Variants in NLGN4Y observed in about 807,000 individuals in gnomAD.
NLGN4Y encodes the protein neuroligin 4 Y-linked.
In NLGN4Y, 4 loss-of-function variants were observed where a neutral mutation model predicts 8.4. The ratio of observed to expected loss-of-function variants is 0.48; its 90% confidence interval spans 0.23 to 1.09. The LOEUF is 1.09. Among genes scored for constraint, NLGN4Y ranks in the 50% least tolerant of loss-of-function variants. The pLI is 0.19. For missense variants in NLGN4Y, 90 were observed against 192.3 expected (o/e 0.47, Z 3.15); for synonymous variants, 35 against 75.6 (o/e 0.46, Z 2.78).
chrY:14,631,858 ATGTACGCCTTGTTTAC>A (rs2080550298), intron 2 of NLGN4Y, among the ~76,000 whole-genome samples: 1 of 33,442 alleles, frequency 3.0e-5, no homozygotes, highest in African/African-American at 1.2e-4. Context: ...CACCTTTTGA[ATGTACGCCTTGTTTAC>A]TCCTCCAGCC....
At chrY:14,774,380 G>A (rs977388299) in intron 4 of NLGN4Y, among the ~76,000 whole-genome samples, 2 of 33,445 alleles carry the variant, frequency 6.0e-5, no homozygotes, top group Admixed American at 2.7e-4. Flanking sequence ...AAAAGAAGAC[G>A]TAAGTGCAGC....
intron 4 of NLGN4Y, among the ~76,000 whole-genome samples, chrY:14,773,643 G>A (rs2081115423): frequency 3.1e-5 from 1 of 32,732 alleles, no homozygotes; most frequent in African/African-American, 1.2e-4. Context: ...AATAGCTGCA[G>A]GCATCACCTT....
At chrY:14,811,654 C>G (rs2043080836) in intron 4 of NLGN4Y, among the ~76,000 whole-genome samples, 8 of 33,466 alleles carry the variant, frequency 2.4e-4, no homozygotes, top group African/African-American at 9.3e-4. Context: ...AAAAGGCCAA[C>G]AATATCTGAC....
chrY:14,755,000 C>G, intron 4 of NLGN4Y, among the ~76,000 whole-genome samples: 2 of 33,240 alleles, frequency 6.0e-5, no homozygotes. Context: ...CTCACATACT[C>G]TATGTAGTTT....
intron 1 of NLGN4Y, among the ~76,000 whole-genome samples, chrY:14,530,967 A>T: frequency 4.9e-5 from 1 of 20,220 alleles, no homozygotes; most frequent in Non-Finnish European, 1.2e-4. Flanking sequence ...CCTTGTACTT[A>T]TGGAAAAGCA....
At chrY:14,573,055 C>G (rs2080279085) in intron 1 of NLGN4Y, among the ~76,000 whole-genome samples, 1 of 33,086 alleles carries the variant, frequency 3.0e-5, no homozygotes, top group Non-Finnish European at 7.4e-5. Context: ...GTCTAAAATT[C>G]TCTTTTTTTG....
At chrY:14,697,206 CAGAT>C (rs200602431) in intron 2 of NLGN4Y, among the ~76,000 whole-genome samples, 932 of 24,249 alleles carry the variant, frequency 0.038, no homozygotes, top group Middle Eastern at 0.094. Flanking sequence ...GGTAGGTAGG[CAGAT>C]AGATAGATAG....
At chrY:14,644,422 G>A in intron 2 of NLGN4Y, among the ~76,000 whole-genome samples, 2 of 33,060 alleles carry the variant, frequency 6.0e-5, no homozygotes, top group Non-Finnish European at 1.5e-4. Flanking sequence ...AGAGAAGAGT[G>A]TGTTCAAAGC....
chrY:14,723,632 G>C, intron 4 of NLGN4Y, among the ~76,000 whole-genome samples: 1 of 33,867 alleles, frequency 3.0e-5, no homozygotes, highest in South Asian at 6.5e-4. Context: ...CTACATAAGT[G>C]TGTATAATGA....
At chrY:14,641,093 T>C in intron 2 of NLGN4Y, among the ~76,000 whole-genome samples, 2 of 32,917 alleles carry the variant, frequency 6.1e-5, no homozygotes, top group African/African-American at 2.4e-4. Context: ...GGTGATTCTG[T>C]AAGTTGTCCC....
At chrY:14,590,559 GT>G (rs2080367130) in intron 1 of NLGN4Y, among the ~76,000 whole-genome samples, 1 of 33,303 alleles carries the variant, frequency 3.0e-5, no homozygotes, top group South Asian at 6.9e-4. Context: ...GGTTCCATTT[GT>G]AAGACCATCT....
At chrY:14,583,852 T>G in intron 1 of NLGN4Y, among the ~76,000 whole-genome samples, 6 of 34,192 alleles carry the variant, frequency 1.8e-4, no homozygotes, top group Non-Finnish European at 4.4e-4. Flanking sequence ...CTGGGACTGC[T>G]CTCTAGGTTA....
chrY:14,693,539 C>T, intron 2 of NLGN4Y, among the ~76,000 whole-genome samples: 3 of 32,694 alleles, frequency 9.2e-5, no homozygotes, highest in African/African-American at 2.4e-4. Context: ...CCTCCCACCT[C>T]ATCTTCTCAA....
chrY:14,841,330 A>T lies in NLGN4Y; in HGVS notation c.*68A>T, dbSNP rs756912026. 1 of 371,348 alleles carries T rather than the reference A, an allele frequency of 2.7e-6. No individual in the cohort carries two copies. Among genetic ancestry groups the T allele is most frequent in the Non-Finnish European group, 3.8e-6 (1 of 262,078 alleles). 92.6% of individuals were successfully genotyped at this position (371,348 alleles called of 400,897 possible). A position where few individuals can be genotyped will look rare whatever the true frequency, so the allele number is the denominator to read the frequency against. On this transcript the variant is annotated 3_prime_UTR_variant, in exon 7 of 7. Transcript: ENST00000684976. ...AGCAATGTAAAAGAGACAAATAAGG[A>T]GAAAGAAAATCTCCAAACCAGGAAT...
chrY:14,605,580 A>T (rs2150500109), intron 1 of NLGN4Y, among the ~76,000 whole-genome samples: 1 of 33,036 alleles, frequency 3.0e-5, no homozygotes, highest in South Asian at 6.7e-4. Flanking sequence ...AGAAATCTCC[A>T]TACTGTTTTA....
chrY:14,601,704 C>A, intron 1 of NLGN4Y, among the ~76,000 whole-genome samples: 2 of 31,561 alleles, frequency 6.3e-5, no homozygotes, highest in Non-Finnish European at 1.5e-4. Context: ...CTGAGGCGGG[C>A]GGATCACGAA....
intron 1 of NLGN4Y, among the ~76,000 whole-genome samples, chrY:14,563,206 G>A: frequency 3.0e-5 from 1 of 33,571 alleles, no homozygotes; most frequent in Admixed American, 2.7e-4. Flanking sequence ...TAATTATTTA[G>A]AGATATGTTT....
chrY:14,600,071 T>C, intron 1 of NLGN4Y, among the ~76,000 whole-genome samples: 1 of 32,423 alleles, frequency 3.1e-5, no homozygotes, highest in East Asian at 7.8e-4. Flanking sequence ...ATCCAAACTA[T>C]TTGTCAATTT....
chrY:14,656,030 G>A, intron 2 of NLGN4Y, among the ~76,000 whole-genome samples: 1 of 33,212 alleles, frequency 3.0e-5, no homozygotes, highest in African/African-American at 1.2e-4. Context: ...GTAGGATGTG[G>A]CTTACAAGGC....
Sources: gnomAD v4.1 joint callset for allele counts (sites outside exome capture counted in the v4.1 genomes callset) on GRCh38, gnomAD v4.1.1 for gene constraint, MANE v1.5 for transcripts, NCBI Gene and HGNC (gene_info 2026-07-23, HGNC 2026-07-21) for gene names.